Variants in DAW1 observed in about 807,000 individuals in gnomAD.
The protein encoded by DAW1 is dynein assembly factor with WD repeats 1.
DAW1 carries 47 observed loss-of-function variants against 56.5 expected under a neutral mutation model. The observed-to-expected ratio is 0.83, with a 90% CI of 0.66 to 1.06. DAW1 has a LOEUF of 1.06. Among genes scored for constraint, DAW1 ranks in the 50% least tolerant of loss-of-function variants. The probability of loss-of-function intolerance (pLI) is 0.00; values close to 1 mark genes in which losing one functional copy is unlikely to be tolerated. For synonymous variants in DAW1, 190 were observed against 179.0 expected (o/e 1.06, Z -0.49); for missense variants, 505 against 499.3 (o/e 1.01, Z -0.11).
At chr2:227,912,427 G>A (rs757153142) in intron 10 of DAW1, 44 of 1,304,718 alleles carry the variant, frequency 3.4e-5, no homozygotes, top group Admixed American at 4.6e-5. Context: ...ATCACTGGAC[G>A]TGATGCTAAA....
chr2:227,880,613 G>A (rs891013820), intron 1 of DAW1, among the ~76,000 whole-genome samples: 10 of 152,134 alleles, frequency 6.6e-5, no homozygotes, highest in Non-Finnish European at 1.2e-4. Flanking sequence ...GTCACTAAAA[G>A]CATTTTTAAT....
rs1485952792 is a variant in DAW1 at position 227,907,151 on chromosome 2, C to T, written c.872C>T (p.Thr291Ile). ...MDKTCKLWDA[T>I]NGKCVATLTG... ...TTTTAATTGTAGCTGTGGGATGCTA[C>T]AAATGGAAAATGTGTGGCAACCTTA... is the stretch of plus-strand genomic sequence containing the variant. The change falls in exon 10 of 13, where the codon ACA (threonine) becomes ATA (isoleucine). Residue 291 changes from threonine to isoleucine, a missense_variant. By Grantham distance (89) the Thr-to-Ile change is moderately conservative (BLOSUM62 -1). Coordinates refer to ENST00000309931, the MANE Select transcript of DAW1 (RefSeq NM_178821.3). 2 of 1,609,666 alleles carry T rather than the reference C, an allele frequency of 1.2e-6. No homozygotes were observed. Among genetic ancestry groups the T allele is most frequent in the African/African-American group, 2.7e-5 (2 of 74,458 alleles).
At position 227,903,103 on chromosome 2, in the gene DAW1, C is replaced by T; in HGVS notation, c.642C>T (p.Thr214=). 1 of 1,613,740 alleles carries T rather than the reference C, an allele frequency of 6.2e-7. No homozygotes were observed. Among genetic ancestry groups the T allele is most frequent in the Non-Finnish European group, 8.5e-7 (1 of 1,179,700 alleles). Residue 214 remains threonine (T), a synonymous_variant, in exon 7 of 13, where the codon ACC becomes ACT. Transcript: ENST00000309931. ...WDIQNGEEVY[T]LRGHSAEIIS... is the part of the protein sequence containing the mutation. ...TTCAGAATGGCGAGGAAGTTTACACCTTAAGAGTATGTCAATAATGTTAAT... is the reference window on the plus strand; with the variant it reads ...TTCAGAATGGCGAGGAAGTTTACACTTTAAGAGTATGTCAATAATGTTAAT...
chr2:227,913,396 AT>A (rs1691875571), intron 10 of DAW1, among the ~76,000 whole-genome samples: 1 of 152,160 alleles, frequency 6.6e-6, no homozygotes, highest in East Asian at 1.9e-4. Context: ...CACATGTGAC[AT>A]TATACTGTGT....
intron 1 of DAW1, among the ~76,000 whole-genome samples, chr2:227,879,871 T>G (rs16824066): frequency 0.016 from 2,374 of 152,282 alleles, 54 homozygotes; most frequent in African/African-American, 0.054. Context: ...CTTCACTTTA[T>G]TTTTAAATGT....
At chr2:227,915,324 A>G (rs932448073) in intron 10 of DAW1, among the ~76,000 whole-genome samples, 3 of 152,082 alleles carry the variant, frequency 2.0e-5, no homozygotes, top group Non-Finnish European at 4.4e-5. Flanking sequence ...ATGGTAATGT[A>G]TGGTGTTACT....
At chr2:227,910,165 A>C (rs535698784) in intron 10 of DAW1, among the ~76,000 whole-genome samples, 2 of 152,154 alleles carry the variant, frequency 1.3e-5, no homozygotes, top group Non-Finnish European at 2.9e-5. Flanking sequence ...TAATATATGC[A>C]TCATGGCCAG....
In DAW1 at chr2:227,907,251, T is replaced by A; in HGVS notation, c.972T>A (p.Asp324Glu). The A allele has an allele frequency of 1.2e-6, 2 of 1,610,636 alleles. No individual in the cohort carries two copies. Among genetic ancestry groups the A allele is most frequent in the East Asian group, 2.2e-5 (1 of 44,838 alleles). ...AGCTTATTGCAACTGCTTCAGCTGATGGTAGGTGATCTGTTCATTCTTTTA... is the reference window on the plus strand; with the variant it reads ...AGCTTATTGCAACTGCTTCAGCTGAAGGTAGGTGATCTGTTCATTCTTTTA... ...TGKLIATASA[D>E]GTARIFSAAT... Residue 324 changes from aspartate to glutamate, a missense_variant and splice_region_variant, in exon 10 of 13, where the codon GAT becomes GAA. Coordinates refer to ENST00000309931, the MANE Select transcript of DAW1 (RefSeq NM_178821.3).
chr2:227,911,275 C>CACGTGTATATATACATATAT (rs1559312591), intron 10 of DAW1, among the ~76,000 whole-genome samples: 3 of 124,968 alleles, frequency 2.4e-5, no homozygotes, highest in Non-Finnish European at 3.4e-5. Context: ...TACACATATA[C>CACGTGTATATATACATATAT]ACGTGTATAT....
chr2:227,911,230 G>GTATATATA (rs1691807658), intron 10 of DAW1, among the ~76,000 whole-genome samples: 6 of 60,074 alleles, frequency 1.0e-4, no homozygotes, highest in Non-Finnish European at 1.8e-4. Context: ...ATACATATGT[G>GTATATATA]TATATATACA....
chr2:227,882,321 G>A (rs1245744877), intron 1 of DAW1, among the ~76,000 whole-genome samples: 1 of 152,164 alleles, frequency 6.6e-6, no homozygotes, highest in Non-Finnish European at 1.5e-5. Context: ...CACTAATGGT[G>A]CAGAAGCAGT....
chr2:227,898,221 ACT>A lies in DAW1; in HGVS notation c.483_484del (p.Trp162GlufsTer24). 1 of 1,578,658 alleles carries A rather than the reference ACT, an allele frequency of 6.3e-7. No individual in the cohort carries two copies. The highest frequency in any genetic ancestry group is 1.3e-5 in the African/African-American group (1 of 74,520). ...CTGGGTCCTTTGATAAAACTTGTAA[ACT>A]CTGGAGTGTGGAAACAGGAAAATGT... is the stretch of plus-strand genomic sequence containing the variant. ...ATGSFDKTCK[L>X]WSVETGKCYH... On this transcript the variant is annotated frameshift_variant, in exon 6 of 13. Transcript: ENST00000309931. LOFTEE classifies it high-confidence loss of function.
In DAW1 at chr2:227,923,069, C is replaced by T. The variant is rs578215244; in HGVS notation, c.1214-865C>T. On this transcript the variant is annotated intron_variant, in intron 12 of 12. Transcript: ENST00000309931. ...TTTGTTATTGTGCCTTGCGTTGGTG[C>T]CAGCACATACATTCCTGAGCTCTTT... Among the ~76,000 whole-genome samples the T allele has an allele frequency of 1.3e-4, 20 of 152,298 alleles. No homozygotes were observed. The East Asian group carries it at 2.9e-3, about 22-fold the overall frequency.
At chr2:227,918,997 C>A in intron 11 of DAW1, 141 bp downstream of exon 11, 1 of 840,966 alleles carries the variant, frequency 1.2e-6, no homozygotes, top group Admixed American at 2.7e-5. Context: ...GAGTTCAAGA[C>A]CAGCCTGGGC....
chr2:227,891,073 G>T (rs547803493), intron 3 of DAW1, among the ~76,000 whole-genome samples, 182 bp from the exon 4 acceptor site: 1 of 152,262 alleles, frequency 6.6e-6, no homozygotes, highest in East Asian at 1.9e-4. Flanking sequence ...ATATGTAAAA[G>T]AAAATGTTAC....
At chr2:227,907,963 C>T (rs1691727118) in intron 10 of DAW1, among the ~76,000 whole-genome samples, 1 of 152,226 alleles carries the variant, frequency 6.6e-6, no homozygotes, top group Non-Finnish European at 1.5e-5. Context: ...ATGTCTACTG[C>T]ATCTTTGTGA....
chr2:227,907,918 A>G (rs983982036), intron 10 of DAW1, among the ~76,000 whole-genome samples: 9 of 152,120 alleles, frequency 5.9e-5, no homozygotes, highest in Non-Finnish European at 2.9e-5. Flanking sequence ...TGGTGCTATA[A>G]TCTCCTTTAC....
At chr2:227,884,712 C>T (rs983351056) in intron 1 of DAW1, among the ~76,000 whole-genome samples, 9 of 152,244 alleles carry the variant, frequency 5.9e-5, no homozygotes, top group Admixed American at 5.9e-4. Context: ...AAACGCAGGG[C>T]TTTGCTGAGG....
At chr2:227,904,145 A>G (rs1041802290) in intron 7 of DAW1, among the ~76,000 whole-genome samples, 3 of 152,172 alleles carry the variant, frequency 2.0e-5, no homozygotes, top group South Asian at 2.1e-4. Flanking sequence ...TCTGCGCCAG[A>G]GAGTGAATTT....
Sources: gnomAD v4.1 joint callset for allele counts (sites outside exome capture counted in the v4.1 genomes callset) on GRCh38, gnomAD v4.1.1 for gene constraint, MANE v1.5 for transcripts, NCBI Gene and HGNC (gene_info 2026-07-23, HGNC 2026-07-21) for gene names.